ROBO2: variants seen among roughly 807,000 people sequenced by gnomAD.
ROBO2 encodes roundabout guidance receptor 2, also known as roundabout homolog 2.
A neutral mutation model predicts 160.8 loss-of-function variants in ROBO2; 53 were observed. The observed-to-expected ratio is 0.33, with a 90% CI of 0.26 to 0.41. The LOEUF is 0.41. Ranked by LOEUF, ROBO2 falls within the 10% of genes least tolerant of loss-of-function variation. The pLI is 1.00. For missense variants in ROBO2, 1,577 were observed against 1,722.4 expected, an observed-to-expected ratio of 0.92 and a Z score of 1.49; for synonymous variants, 664 against 611.7, an observed-to-expected ratio of 1.09 and a Z score of -1.26.
At chr3:76,501,401 A>C (rs1368457299) in intron 2 of ROBO2, among the ~76,000 whole-genome samples, 1 of 152,222 alleles carries the variant, frequency 6.6e-6, no homozygotes, top group Non-Finnish European at 1.5e-5. Context: ...GGAGGAGATG[A>C]GAGGAATCCG....
At chr3:76,571,584 A>C (rs1035558956) in intron 2 of ROBO2, among the ~76,000 whole-genome samples, 1 of 152,170 alleles carries the variant, frequency 6.6e-6, no homozygotes, top group Admixed American at 6.5e-5. Flanking sequence ...GACAAAGAAC[A>C]ATATAATTCA....
chr3:77,291,998 G>T (rs1373198621), intron 2 of ROBO2, among the ~76,000 whole-genome samples: 3 of 151,530 alleles, frequency 2.0e-5, no homozygotes, highest in African/African-American at 7.3e-5. Context: ...TGGTTAAACG[G>T]GTAAGCTGAG....
At chr3:76,433,233 G>A (rs928409967) in intron 2 of ROBO2, among the ~76,000 whole-genome samples, 11 of 152,066 alleles carry the variant, frequency 7.2e-5, no homozygotes, top group Admixed American at 2.0e-4. Context: ...GTACTTACAC[G>A]CTATTTATAA....
At chr3:75,956,750 A>G (rs1559782498) in intron 2 of ROBO2, among the ~76,000 whole-genome samples, 1 of 151,744 alleles carries the variant, frequency 6.6e-6, no homozygotes, top group Non-Finnish European at 1.5e-5. Context: ...TATTTGTTCA[A>G]TGAACACTGC....
chr3:76,470,820 T>A (rs980694612), intron 2 of ROBO2, among the ~76,000 whole-genome samples: 2 of 152,044 alleles, frequency 1.3e-5, no homozygotes, highest in Admixed American at 1.3e-4. Flanking sequence ...GTAACATACA[T>A]CAATGGTATT....
intron 2 of ROBO2, among the ~76,000 whole-genome samples, chr3:76,583,077 C>T (rs886504289): frequency 2.8e-4 from 43 of 151,284 alleles, no homozygotes; most frequent in African/African-American, 1.0e-3. Flanking sequence ...TGCTGGAGTA[C>T]GGAACCGAGC....
intron 2 of ROBO2, among the ~76,000 whole-genome samples, chr3:77,259,600 AC>A (rs1197397142): frequency 6.6e-6 from 1 of 152,236 alleles, no homozygotes; most frequent in Non-Finnish European, 1.5e-5. Flanking sequence ...AAGAGCAGGA[AC>A]AAAAAAGGAT....
chr3:76,560,291 A>C (rs1436053661), intron 2 of ROBO2, among the ~76,000 whole-genome samples: 1 of 152,122 alleles, frequency 6.6e-6, no homozygotes, highest in Admixed American at 6.6e-5. Context: ...CCTTATATGA[A>C]ACCCAAATAT....
intron 2 of ROBO2, among the ~76,000 whole-genome samples, chr3:76,657,668 GTATATATATACA>G (rs2091612684): frequency 9.0e-6 from 1 of 111,418 alleles, no homozygotes; most frequent in African/African-American, 4.3e-5. Context: ...ATATATATGT[GTATATATATACA>G]TATATGTGTG....
intron 2 of ROBO2, among the ~76,000 whole-genome samples, chr3:77,252,179 G>A (rs2090426043): frequency 6.6e-6 from 1 of 152,086 alleles, no homozygotes; most frequent in Non-Finnish European, 1.5e-5. Flanking sequence ...ACATTATTCT[G>A]TCAAATTTTT....
rs370618895 is a variant in ROBO2, at chr3:76,520,896, A to G, written c.110-577118A>G. Among the ~76,000 whole-genome samples, 41 of 152,256 alleles carry G rather than the reference A, an allele frequency of 2.7e-4. 1 individual carries two copies. The highest frequency in any genetic ancestry group is 2.7e-3 in the South Asian group (13 of 4,830). The stretch of plus-strand genomic sequence containing the variant: ...ATGTAACCTTTCATATCTGGACTGT[A>G]CGGTCTCTTAGATAGAGTGAGTTCC... On this transcript the variant is annotated intron_variant, in intron 2 of 26. Coordinates refer to the ROBO2 transcript ENST00000487694.
chr3:77,451,354 C>A, intron 2 of ROBO2, among the ~76,000 whole-genome samples: 1 of 151,978 alleles, frequency 6.6e-6, no homozygotes, highest in Non-Finnish European at 1.5e-5. Context: ...AAATAAAATT[C>A]CTCCTCCCAT....
chr3:76,502,868 G>A (rs1236284967), intron 2 of ROBO2, among the ~76,000 whole-genome samples: 1 of 151,998 alleles, frequency 6.6e-6, no homozygotes, highest in South Asian at 2.1e-4. Flanking sequence ...AGCAAACTTG[G>A]CAAGAAAAAT....
chr3:76,880,175 C>T (rs1284163347), intron 2 of ROBO2, among the ~76,000 whole-genome samples: 6 of 151,950 alleles, frequency 3.9e-5, no homozygotes, highest in Non-Finnish European at 7.4e-5. Context: ...CCCTTTTTCC[C>T]GGTTTATCAT....
intron 2 of ROBO2, among the ~76,000 whole-genome samples, chr3:76,944,467 T>C (rs2078389832): frequency 6.6e-6 from 1 of 152,208 alleles, no homozygotes. Flanking sequence ...CCACAGGTAT[T>C]GTAATTCTGA....
At chr3:77,163,978 A>G (rs1006995337) in intron 2 of ROBO2, among the ~76,000 whole-genome samples, 2 of 152,212 alleles carry the variant, frequency 1.3e-5, no homozygotes, top group African/African-American at 2.4e-5. Flanking sequence ...TGAATCAACT[A>G]CATATTTCAT....
chr3:76,370,911 A>C (rs2076067654), intron 2 of ROBO2, among the ~76,000 whole-genome samples: 1 of 151,792 alleles, frequency 6.6e-6, no homozygotes. Flanking sequence ...TTTCCTTCCC[A>C]AGTCTTCTTT....
At chr3:76,436,997 C>T (rs1481089592) in intron 2 of ROBO2, among the ~76,000 whole-genome samples, 2 of 152,134 alleles carry the variant, frequency 1.3e-5, no homozygotes, top group East Asian at 3.9e-4. Context: ...ATCACAGTAA[C>T]ATTTAAATAT....
chr3:76,521,551 A>G (rs1334510591), intron 2 of ROBO2, among the ~76,000 whole-genome samples: 7 of 152,178 alleles, frequency 4.6e-5, no homozygotes, highest in Non-Finnish European at 1.5e-5. Context: ...ACTAAATATC[A>G]TGTTTAAGAT....
Sources: gnomAD v4.1 joint callset for allele counts (sites outside exome capture counted in the v4.1 genomes callset) on GRCh38, gnomAD v4.1.1 for gene constraint, MANE v1.5 for transcripts, NCBI Gene and HGNC (gene_info 2026-07-23, HGNC 2026-07-21) for gene names.